NOX4: variants seen among roughly 807,000 people sequenced by gnomAD.
NOX4 encodes the protein NADPH oxidase 4.
NOX4 carries 69 observed loss-of-function variants against 87.6 expected under a neutral mutation model. The ratio of observed to expected loss-of-function variants is 0.79; its 90% CI spans 0.65 to 0.96. The LOEUF (loss-of-function observed/expected upper bound fraction) is 0.96, where lower values mean the gene tolerates loss of function less well. Among genes scored for constraint, NOX4 ranks in the 40% least tolerant of loss-of-function variants. The pLI is 0.00. For missense variants in NOX4, 680 were observed against 681.5 expected, an observed-to-expected ratio of 1.00 and a Z score of 0.02; for synonymous variants, 275 against 238.2, an observed-to-expected ratio of 1.15 and a Z score of -1.42.
chr11:89,469,504 A>G (rs1028661463), intron 2 of NOX4, among the ~76,000 whole-genome samples: 1 of 152,218 alleles, frequency 6.6e-6, no homozygotes, highest in Non-Finnish European at 1.5e-5. Flanking sequence ...AATGATGCCC[A>G]TACAAAGCCT....
chr11:89,458,206 T>C lies in NOX4; in HGVS notation c.154-6311A>G, dbSNP rs150093591. Among the ~76,000 whole-genome samples, 479 of 152,250 alleles carry C rather than the reference T, an allele frequency of 3.1e-3. 2 individuals are homozygous for C. Among genetic ancestry groups the C allele is most frequent in the African/African-American group, 9.5e-3 (396 of 41,550 alleles). On this transcript the variant is annotated intron_variant, in intron 2 of 17. Coordinates refer to ENST00000263317, the MANE Select transcript of NOX4 (RefSeq NM_016931.5). ...TATAAATGGTGCTAGGAAAACTGGC[T>C]AGCCATTTGCAAAAGATTTAATCTG...
At chr11:89,560,961 C>CATCTCTCA in the NOX4 span, among the ~76,000 whole-genome samples, 1 of 52,542 alleles carries the variant, frequency 1.9e-5, no homozygotes, top group South Asian at 8.9e-4. Flanking sequence ...CATCTCATCT[C>CATCTCTCA]GTCTCTCTCT....
the NOX4 span, among the ~76,000 whole-genome samples, chr11:89,582,123 G>A: frequency 4.6e-5 from 7 of 152,180 alleles, no homozygotes; most frequent in African/African-American, 1.7e-4. Flanking sequence ...GTCATTCAGT[G>A]TTCATCCTGG....
intron 13 of NOX4, among the ~76,000 whole-genome samples, chr11:89,351,122 A>C: frequency 6.6e-6 from 1 of 152,234 alleles, no homozygotes; most frequent in South Asian, 2.1e-4. Flanking sequence ...ACATATGAAT[A>C]ATAAGAAAGC....
At chr11:89,476,916 A>G (rs1946191280) in intron 2 of NOX4, among the ~76,000 whole-genome samples, 1 of 152,212 alleles carries the variant, frequency 6.6e-6, no homozygotes, top group African/African-American at 2.4e-5. Context: ...ATTAGAAGAT[A>G]CATATACATA....
the NOX4 span, among the ~76,000 whole-genome samples, chr11:89,542,071 A>G: frequency 6.6e-6 from 1 of 152,112 alleles, no homozygotes; most frequent in Non-Finnish European, 1.5e-5. Context: ...TCAGCCTCCC[A>G]GAGGGCTGGG....
chr11:89,379,817 T>C (rs1030878063), intron 11 of NOX4, among the ~76,000 whole-genome samples: 9 of 152,172 alleles, frequency 5.9e-5, no homozygotes, highest in Non-Finnish European at 1.2e-4. Flanking sequence ...TCTCACCATT[T>C]CCACTATCAC....
intron 11 of NOX4, among the ~76,000 whole-genome samples, chr11:89,386,101 A>G (rs562205572): frequency 7.6e-4 from 116 of 152,256 alleles, no homozygotes; most frequent in Middle Eastern, 3.4e-3. Flanking sequence ...AAAGGAATGG[A>G]CAATACTTTT....
chr11:89,505,731 T>C, the NOX4 span, among the ~76,000 whole-genome samples: 1,158 of 152,044 alleles, frequency 7.6e-3, 16 homozygotes, highest in African/African-American at 0.026. Context: ...ACTTGACTGA[T>C]ATCAGTTCGA....
At chr11:89,513,776 G>T in the NOX4 span, among the ~76,000 whole-genome samples, 1 of 151,838 alleles carries the variant, frequency 6.6e-6, no homozygotes, top group Non-Finnish European at 1.5e-5. Flanking sequence ...GTTTGAGATG[G>T]ATGAGTAATC....
chr11:89,359,497 G>A (rs1347874888), intron 12 of NOX4, among the ~76,000 whole-genome samples: 27 of 144,610 alleles, frequency 1.9e-4, no homozygotes, highest in African/African-American at 6.9e-4. Context: ...GGGATGAGAA[G>A]AAAATAAAAC....
intron 12 of NOX4, among the ~76,000 whole-genome samples, chr11:89,370,744 A>G (rs1386119779): frequency 1.3e-5 from 2 of 152,080 alleles, no homozygotes; most frequent in Non-Finnish European, 2.9e-5. Context: ...TCTTCCACGT[A>G]TCTAGGAGAT....
the NOX4 span, among the ~76,000 whole-genome samples, chr11:89,583,835 G>T: frequency 6.6e-6 from 1 of 152,008 alleles, no homozygotes; most frequent in South Asian, 2.1e-4. Flanking sequence ...GTTTACCCAG[G>T]ACTACTACTG....
chr11:89,468,961 C>T (rs2135436979), intron 2 of NOX4, among the ~76,000 whole-genome samples: 1 of 152,168 alleles, frequency 6.6e-6, no homozygotes, highest in Non-Finnish European at 1.5e-5. Flanking sequence ...AACTCCTGGC[C>T]TCAAGTGATC....
chr11:89,463,967 G>C (rs1004195824), intron 2 of NOX4, among the ~76,000 whole-genome samples: 2 of 151,948 alleles, frequency 1.3e-5, no homozygotes, highest in African/African-American at 4.8e-5. Context: ...TAGCTCAAAG[G>C]ATTGTATATG....
At chr11:89,471,473 T>G (rs1358055171) in intron 2 of NOX4, among the ~76,000 whole-genome samples, 5 of 152,150 alleles carry the variant, frequency 3.3e-5, no homozygotes, top group African/African-American at 1.2e-4. Flanking sequence ...GGTAAGCATA[T>G]TTTTATGGTC....
upstream of NOX4, among the ~76,000 whole-genome samples, chr11:89,496,448 T>C (rs1461915192): frequency 6.6e-6 from 1 of 152,174 alleles, no homozygotes; most frequent in East Asian, 1.9e-4. Flanking sequence ...ACTTCTAGAT[T>C]TCATAGACCA....
chr11:89,410,322 C>T (rs1269907524), intron 8 of NOX4, among the ~76,000 whole-genome samples: 1 of 152,118 alleles, frequency 6.6e-6, no homozygotes, highest in Non-Finnish European at 1.5e-5. Flanking sequence ...TAGAGATTAT[C>T]CTTTATTGTC....
chr11:89,568,745 C>A, the NOX4 span, among the ~76,000 whole-genome samples: 1 of 152,146 alleles, frequency 6.6e-6, no homozygotes, highest in East Asian at 1.9e-4. Flanking sequence ...GCAAAAAGAA[C>A]TAAGCCAGAG....
Sources: gnomAD v4.1 joint callset for allele counts (sites outside exome capture counted in the v4.1 genomes callset) on GRCh38, gnomAD v4.1.1 for gene constraint, MANE v1.5 for transcripts, NCBI Gene and HGNC (gene_info 2026-07-23, HGNC 2026-07-21) for gene names.